Variants in GABRB1 observed in about 807,000 individuals in gnomAD.
GABRB1 encodes the protein gamma-aminobutyric acid type A receptor subunit beta1.
A neutral mutation model predicts 51.6 loss-of-function variants in GABRB1; 17 were observed. That is an observed-to-expected ratio of 0.33 (90% CI 0.23 to 0.49). GABRB1 has a LOEUF of 0.49. Among genes scored for constraint, GABRB1 ranks in the 20% least tolerant of loss-of-function variants. The pLI, the probability that GABRB1 is intolerant of heterozygous loss-of-function variation, is 0.99. For synonymous variants in GABRB1, 247 were observed against 218.9 expected, an observed-to-expected ratio of 1.13 and a Z score of -1.14; for missense variants, 410 against 600.6, an observed-to-expected ratio of 0.68 and a Z score of 3.32.
chr4:47,086,694 C>T (rs1728091667), intron 3 of GABRB1, among the ~76,000 whole-genome samples: 1 of 152,158 alleles, frequency 6.6e-6, no homozygotes, highest in Admixed American at 6.5e-5. Flanking sequence ...CAGATTATAT[C>T]ACTCTTATTT....
chr4:47,118,475 AT>A (rs772202866), intron 3 of GABRB1, among the ~76,000 whole-genome samples: 68 of 152,298 alleles, frequency 4.5e-4, no homozygotes, highest in Non-Finnish European at 8.4e-4. Context: ...TTTTAAAAAA[AT>A]GAATTGAAAC....
At chr4:47,270,107 C>A (rs111938940) in intron 4 of GABRB1, among the ~76,000 whole-genome samples, 1 of 152,162 alleles carries the variant, frequency 6.6e-6, no homozygotes, top group African/African-American at 2.4e-5. Flanking sequence ...TAGACTATTT[C>A]TATCTTCCAA....
intron 5 of GABRB1, among the ~76,000 whole-genome samples, chr4:47,340,584 G>A (rs546155604): frequency 2.4e-4 from 37 of 152,236 alleles, no homozygotes; most frequent in Non-Finnish European, 5.4e-4. Context: ...TGGCAGAAGG[G>A]ATTAGCTGGA....
At chr4:47,144,573 C>T (rs1424463865) in intron 3 of GABRB1, among the ~76,000 whole-genome samples, 1 of 151,892 alleles carries the variant, frequency 6.6e-6, no homozygotes, top group Admixed American at 6.6e-5. Context: ...CTGTGTTAAG[C>T]TCTTTATTAC....
Position 47,320,121 on chromosome 4 carries a change from T to C in GABRB1, c.462-6T>C. On this transcript the variant is annotated splice_region_variant and splice_polypyrimidine_tract_variant and intron_variant, in intron 4 of 8. Coordinates refer to ENST00000295454, the MANE Select transcript of GABRB1 (RefSeq NM_000812.4). ...TGTTTTCTTTTTTCTCTCTCCTCTCTATCAGAATCACAACCACAGCTGCAT... is the reference window on the plus strand; with the variant it reads ...TGTTTTCTTTTTTCTCTCTCCTCTCCATCAGAATCACAACCACAGCTGCAT... 6.4e-7 allele frequency: 1 copy of C among 1,568,070 alleles called. No homozygotes were observed. The highest frequency in any genetic ancestry group is 8.8e-7 in the Non-Finnish European group (1 of 1,137,824).
chr4:47,404,427 C>A (rs905366138), intron 7 of GABRB1, among the ~76,000 whole-genome samples: 16 of 151,640 alleles, frequency 1.1e-4, no homozygotes, highest in Non-Finnish European at 2.4e-4. Flanking sequence ...AAGTCTGTGT[C>A]ATTATTTGAT....
At chr4:46,995,852 T>G (rs1016339360) in intron 1 of GABRB1, among the ~76,000 whole-genome samples, 1 of 152,208 alleles carries the variant, frequency 6.6e-6, no homozygotes, top group African/African-American at 2.4e-5. Flanking sequence ...ATATTCAAAT[T>G]AAAAGAACAT....
chr4:47,232,472 T>C (rs1238841825), intron 4 of GABRB1, among the ~76,000 whole-genome samples: 2 of 152,210 alleles, frequency 1.3e-5, no homozygotes, highest in Non-Finnish European at 2.9e-5. Flanking sequence ...ACCTTCTTCT[T>C]ATTTGGTTCA....
chr4:47,295,221 G>T (rs1040598533), intron 4 of GABRB1, among the ~76,000 whole-genome samples: 1 of 152,240 alleles, frequency 6.6e-6, no homozygotes, highest in Non-Finnish European at 1.5e-5. Context: ...CCAAAGGAAT[G>T]CAGTTCCTCA....
chr4:47,341,328 A>G (rs1272674089), intron 5 of GABRB1, among the ~76,000 whole-genome samples: 1 of 151,226 alleles, frequency 6.6e-6, no homozygotes, highest in Non-Finnish European at 1.5e-5. Flanking sequence ...CGATCCCACA[A>G]CACCAGTGGC....
At chr4:47,382,696 A>G (rs1323913004) in intron 5 of GABRB1, among the ~76,000 whole-genome samples, 3 of 152,204 alleles carry the variant, frequency 2.0e-5, no homozygotes, top group Admixed American at 2.0e-4. Context: ...AGATTGAGCA[A>G]TAAGTACAGA....
chr4:47,388,468 T>A (rs1727875221), intron 5 of GABRB1, among the ~76,000 whole-genome samples: 1 of 152,202 alleles, frequency 6.6e-6, no homozygotes, highest in Non-Finnish European at 1.5e-5. Flanking sequence ...GTCCTAGATC[T>A]GGTTGGAAGT....
chr4:47,272,260 G>C (rs546866468), intron 4 of GABRB1, among the ~76,000 whole-genome samples: 1 of 152,156 alleles, frequency 6.6e-6, no homozygotes, highest in Non-Finnish European at 1.5e-5. Flanking sequence ...CTATGTCTTT[G>C]TATGTGCAGA....
At chr4:47,317,469 C>T (rs768572153) in intron 4 of GABRB1, among the ~76,000 whole-genome samples, 2 of 151,570 alleles carry the variant, frequency 1.3e-5, no homozygotes, top group Non-Finnish European at 3.0e-5. Context: ...AAGAATGTTG[C>T]AGAACTGTAT....
At chr4:47,197,856 T>C (rs888607861) in intron 4 of GABRB1, among the ~76,000 whole-genome samples, 2 of 152,182 alleles carry the variant, frequency 1.3e-5, no homozygotes, top group African/African-American at 4.8e-5. Flanking sequence ...TGTGACATTT[T>C]CTATGCTGAG....
intron 5 of GABRB1, among the ~76,000 whole-genome samples, chr4:47,340,448 G>T (rs1383187198): frequency 6.6e-6 from 1 of 152,094 alleles, no homozygotes; most frequent in South Asian, 2.1e-4. Flanking sequence ...GAGGGGGTAG[G>T]TTATACACAG....
intron 5 of GABRB1, among the ~76,000 whole-genome samples, chr4:47,355,558 G>A (rs963800155): frequency 2.0e-5 from 3 of 152,160 alleles, no homozygotes; most frequent in Non-Finnish European, 4.4e-5. Flanking sequence ...GAGAAACACT[G>A]TGGTCTAAAG....
chr4:47,007,623 G>C (rs977942099), intron 1 of GABRB1, among the ~76,000 whole-genome samples: 1 of 152,038 alleles, frequency 6.6e-6, no homozygotes, highest in African/African-American at 2.4e-5. Flanking sequence ...TTTAAAGCAT[G>C]CCAAATAAAG....
chr4:47,182,829 A>C (rs1374816377), intron 4 of GABRB1, among the ~76,000 whole-genome samples: 1 of 151,992 alleles, frequency 6.6e-6, no homozygotes, highest in Non-Finnish European at 1.5e-5. Flanking sequence ...CTAACAGTTC[A>C]GAGATTTTTA....
Sources: allele counts gnomAD v4.1 joint callset (sites outside exome capture counted in the v4.1 genomes callset), GRCh38; gene constraint gnomAD v4.1.1; transcripts MANE v1.5; gene names NCBI Gene and HGNC (gene_info 2026-07-23, HGNC 2026-07-21).